TANC2: variants seen among roughly 807,000 people sequenced by gnomAD.
The protein encoded by TANC2 is tetratricopeptide repeat, ankyrin repeat and coiled-coil containing 2.
A neutral mutation model predicts 210.5 loss-of-function variants in TANC2; 26 were observed. The ratio of observed to expected loss-of-function variants is 0.12; its 90% CI spans 0.09 to 0.17. TANC2 has a LOEUF of 0.17. TANC2 is among the 10% of genes least tolerant of loss of function. TANC2 has a pLI of 1.00. For synonymous variants in TANC2, 931 were observed against 967.1 expected (o/e 0.96, Z 0.69); for missense variants, 2,129 against 2,608.9 (o/e 0.82, Z 4.01).
intron 1 of TANC2, among the ~76,000 whole-genome samples, chr17:62,984,478 G>A (rs571931164): frequency 4.0e-5 from 6 of 151,480 alleles, no homozygotes; most frequent in Admixed American, 1.3e-4. Context: ...TGCTCTGATC[G>A]TATTCTTTCC....
At chr17:63,033,522 A>G (rs2034855623) in intron 2 of TANC2, among the ~76,000 whole-genome samples, 1 of 152,154 alleles carries the variant, frequency 6.6e-6, no homozygotes, top group Non-Finnish European at 1.5e-5. Flanking sequence ...CAACACTATA[A>G]GCGTTTGAGG....
rs531520409 is a variant in TANC2, at chr17:63,027,764, G to A, written c.67+18138G>A. Reference sequence around the variant, plus strand: ...CAAATGATAGTTTTAAAATTGGTATGATACAGCAATCATAGACTCTTTGTC... The same window carrying A: ...CAAATGATAGTTTTAAAATTGGTATAATACAGCAATCATAGACTCTTTGTC... On this transcript the variant is annotated intron_variant, in intron 2 of 27. Transcript: ENST00000689528. 2.0e-3 allele frequency among the ~76,000 whole-genome samples: 300 copies of A among 152,154 alleles called. 2 individuals carry two copies. Among genetic ancestry groups the A allele is most frequent in the Admixed American group, 5.8e-3 (89 of 15,276 alleles).
exon 8 of TANC2, chr17:63,237,922 C>G (rs1208696125): frequency 6.3e-7 from 1 of 1,584,070 alleles, no homozygotes. Flanking sequence ...TCTCAAAAAT[C>G]CAGCATGGAC....
chr17:63,356,546 C>T (rs917588567), intron 14 of TANC2, among the ~76,000 whole-genome samples: 8 of 152,178 alleles, frequency 5.3e-5, no homozygotes, highest in African/African-American at 1.9e-4. Context: ...GCTGCTCAGC[C>T]TACTCCATGC....
chr17:63,138,259 A>G (rs891295457), intron 4 of TANC2, among the ~76,000 whole-genome samples: 1 of 152,218 alleles, frequency 6.6e-6, no homozygotes, highest in Non-Finnish European at 1.5e-5. Flanking sequence ...CTGAATACGC[A>G]TATTGAATGA....
At chr17:63,309,966 G>C (rs2045062068) in intron 9 of TANC2, among the ~76,000 whole-genome samples, 2 of 90,734 alleles carry the variant, frequency 2.2e-5, no homozygotes, top group Non-Finnish European at 4.1e-5. Context: ...TTAACCCTTT[G>C]GGGGAAAAAA....
At chr17:63,112,090 C>T (rs893286425) in intron 4 of TANC2, among the ~76,000 whole-genome samples, 2 of 152,144 alleles carry the variant, frequency 1.3e-5, no homozygotes, top group Non-Finnish European at 2.9e-5. Context: ...ACCATGGGCT[C>T]ATAGCTTCTT....
At chr17:63,401,353 A>G (rs1599040268) in intron 19 of TANC2, among the ~76,000 whole-genome samples, 1 of 152,222 alleles carries the variant, frequency 6.6e-6, no homozygotes, top group African/African-American at 2.4e-5. Context: ...CAAATCTAAG[A>G]CACCATTAAC....
intron 8 of TANC2, among the ~76,000 whole-genome samples, chr17:63,260,043 C>T (rs2043311471): frequency 6.6e-6 from 1 of 151,978 alleles, no homozygotes; most frequent in Admixed American, 6.6e-5. Flanking sequence ...TCTTTGAAGC[C>T]ATAAAACAGA....
chr17:63,241,950 G>C (rs1236285677), intron 8 of TANC2, among the ~76,000 whole-genome samples: 1 of 152,104 alleles, frequency 6.6e-6, no homozygotes, highest in Non-Finnish European at 1.5e-5. Flanking sequence ...TTTGTAATAT[G>C]CATTTAGCTA....
At chr17:63,062,845 T>C (rs2036044488) in intron 2 of TANC2, among the ~76,000 whole-genome samples, 1 of 152,130 alleles carries the variant, frequency 6.6e-6, no homozygotes, top group Non-Finnish European at 1.5e-5. Flanking sequence ...GTGGGGGCAT[T>C]TTTTCCCCAC....
chr17:62,977,766 A>C (rs941800199), intron 1 of TANC2, among the ~76,000 whole-genome samples: 4 of 152,100 alleles, frequency 2.6e-5, no homozygotes, highest in Non-Finnish European at 4.4e-5. Context: ...ATAAAGAAAA[A>C]GTTGATATTT....
intron 7 of TANC2, among the ~76,000 whole-genome samples, chr17:63,234,565 C>T (rs1031982822): frequency 6.6e-6 from 1 of 152,142 alleles, no homozygotes; most frequent in African/African-American, 2.4e-5. Flanking sequence ...AACAGCAGGG[C>T]TTTAGCCTCT....
At position 63,183,561 on chromosome 17, in the gene TANC2, GCA is replaced by G. The variant is rs2040865929; in HGVS notation, c.434-10426_434-10425del. 2.6e-5 allele frequency among the ~76,000 whole-genome samples: 4 copies of G among 152,150 alleles called. No individual in the cohort carries two copies. The South Asian group carries it at 8.3e-4, about 32-fold the overall frequency. The stretch of plus-strand genomic sequence containing the variant: ...CGAAAATTTACCTGCTGCGTATAAT[GCA>G]CACTCATTATTCGAGTGATGGGTAC... On this transcript the variant is annotated intron_variant, in intron 5 of 27. Coordinates refer to ENST00000689528, the Ensembl canonical transcript of TANC2.
intron 2 of TANC2, among the ~76,000 whole-genome samples, chr17:63,028,115 C>T (rs1459238375): frequency 1.3e-5 from 2 of 151,792 alleles, no homozygotes; most frequent in South Asian, 2.1e-4. Context: ...AATACCTTAC[C>T]GAGATGGAAA....
chr17:63,406,070 C>T lies in TANC2; in HGVS notation c.3466-84C>T, dbSNP rs2048496652. On this transcript the variant is annotated intron_variant, in intron 20 of 27. Coordinates refer to ENST00000689528, the Ensembl canonical transcript of TANC2. ...GGTGACTCGTACAGCAGTAGGAATTCCTACAGAGTAAGAGATAGTGTGCAC... is the reference window on the plus strand; with the variant it reads ...GGTGACTCGTACAGCAGTAGGAATTTCTACAGAGTAAGAGATAGTGTGCAC... The T allele has an allele frequency of 5.8e-6, 9 of 1,551,804 alleles. No homozygotes were observed. In the Admixed American group the frequency reaches 1.7e-4, roughly 29 times the overall value.
chr17:63,180,382 G>A (rs1457336360), intron 5 of TANC2, among the ~76,000 whole-genome samples: 2 of 152,134 alleles, frequency 1.3e-5, no homozygotes, highest in African/African-American at 4.8e-5. Context: ...AATATAATTG[G>A]AAAGATTCAT....
At chr17:63,369,293 C>T (rs1464265200) in intron 14 of TANC2, among the ~76,000 whole-genome samples, 1 of 152,178 alleles carries the variant, frequency 6.6e-6, no homozygotes, top group African/African-American at 2.4e-5. Context: ...CCTCTTTCAC[C>T]TTTCGCTCTT....
intron 6 of TANC2, among the ~76,000 whole-genome samples, chr17:63,200,371 A>AG (rs1567808976): frequency 2.4e-4 from 37 of 151,362 alleles, no homozygotes; most frequent in African/African-American, 8.7e-4. Flanking sequence ...AAAAAAAAAA[A>AG]AAAAAGAAAG....
Sources: allele counts gnomAD v4.1 joint callset (sites outside exome capture counted in the v4.1 genomes callset), GRCh38; gene constraint gnomAD v4.1.1; transcripts MANE v1.5; gene names NCBI Gene and HGNC (gene_info 2026-07-23, HGNC 2026-07-21).